Variants in PDE4D observed in about 807,000 individuals in gnomAD.
PDE4D encodes the protein phosphodiesterase 4D.
PDE4D carries 24 observed loss-of-function variants against 87.4 expected under a neutral mutation model. The observed-to-expected ratio is 0.27, with a 90% CI of 0.20 to 0.39. PDE4D has a LOEUF of 0.39. Ranked by LOEUF, PDE4D falls within the 10% of genes least tolerant of loss-of-function variation. The pLI is 1.00. For missense variants in PDE4D, 714 were observed against 1,041.0 expected (o/e 0.69, Z 4.32); for synonymous variants, 384 against 383.2 (o/e 1.00, Z -0.02).
At chr5:60,347,540 T>C (rs1561147497) in intron 1 of PDE4D, among the ~76,000 whole-genome samples, 1 of 152,088 alleles carries the variant, frequency 6.6e-6, no homozygotes, top group African/African-American at 2.4e-5. Context: ...CTCCCTGTTC[T>C]CTCACAGAAA....
rs183172114 is a variant in PDE4D, at chr5:60,471,958, G to A, written c.-90+15984C>T. On this transcript the variant is annotated intron_variant, in intron 1 of 16. Coordinates refer to the PDE4D transcript ENST00000502484. Reference sequence around the variant, plus strand: ...TTAGGTATCCCCATGTAGCGAGCCCGGGGATAGTCTGGTAGGTGGAACAGA... The same window carrying A: ...TTAGGTATCCCCATGTAGCGAGCCCAGGGATAGTCTGGTAGGTGGAACAGA... Among the ~76,000 whole-genome samples the A allele has an allele frequency of 1.1e-4, 16 of 152,122 alleles. No individual in the cohort carries two copies. In the East Asian group the frequency reaches 1.5e-3, roughly 15 times the overall value.
chr5:60,219,519 C>T (rs950998948), intron 1 of PDE4D, among the ~76,000 whole-genome samples: 1 of 152,128 alleles, frequency 6.6e-6, no homozygotes, highest in Non-Finnish European at 1.5e-5. Context: ...TGGGATACAC[C>T]TAAGTTACCT....
Position 59,092,222 on chromosome 5 carries a change from G to C in PDE4D, c.809-53251C>G, listed in dbSNP as rs1768877790. On this transcript the variant is annotated intron_variant, in intron 5 of 14. Transcript: ENST00000340635. ...CTTATGAATCTCTTTAACAAGCTTTGGCTGAATATTCTTTTCTTCCAGATG... is the reference window on the plus strand; with the variant it reads ...CTTATGAATCTCTTTAACAAGCTTTCGCTGAATATTCTTTTCTTCCAGATG... Among the ~76,000 whole-genome samples the C allele has an allele frequency of 3.3e-5, 5 of 152,242 alleles. 1 individual carries two copies. The South Asian group carries it at 1.0e-3, about 32-fold the overall frequency.
intron 3 of PDE4D, among the ~76,000 whole-genome samples, chr5:59,919,139 T>C (rs969930652): frequency 6.6e-6 from 1 of 152,166 alleles, no homozygotes; most frequent in East Asian, 1.9e-4. Context: ...AAAAGTATTG[T>C]TCTCGAATTG....
intron 1 of PDE4D, among the ~76,000 whole-genome samples, chr5:59,882,350 T>G (rs13168097): frequency 1.3e-5 from 2 of 152,074 alleles, no homozygotes; most frequent in Admixed American, 6.5e-5. Flanking sequence ...GTGGGAATGA[T>G]TGAGTGGTAG....
intron 1 of PDE4D, among the ~76,000 whole-genome samples, chr5:59,581,813 A>C (rs564232788): frequency 4.5e-4 from 69 of 152,308 alleles, no homozygotes; most frequent in Non-Finnish European, 9.0e-4. Context: ...TGATGGCAAC[A>C]AAAGACAGTA....
At chr5:60,392,898 G>A (rs1762643493) in intron 1 of PDE4D, among the ~76,000 whole-genome samples, 1 of 152,200 alleles carries the variant, frequency 6.6e-6, no homozygotes, top group South Asian at 2.1e-4. Context: ...ATACCACAGG[G>A]AAGATTGTAA....
intron 5 of PDE4D, among the ~76,000 whole-genome samples, chr5:59,087,091 A>T (rs925904418): frequency 6.6e-6 from 1 of 152,224 alleles, no homozygotes; most frequent in South Asian, 2.1e-4. Flanking sequence ...TCAGTTGATT[A>T]TGTATAGCTA....
At chr5:59,614,404 A>G (rs1445856880) in intron 1 of PDE4D, among the ~76,000 whole-genome samples, 1 of 152,224 alleles carries the variant, frequency 6.6e-6, no homozygotes, top group African/African-American at 2.4e-5. Flanking sequence ...AACTAAAACC[A>G]AAGTCAAAGA....
chr5:60,229,253 G>A, intron 1 of PDE4D, among the ~76,000 whole-genome samples: 1 of 152,026 alleles, frequency 6.6e-6, no homozygotes, highest in East Asian at 1.9e-4. Context: ...CAGAACTTTG[G>A]TCCTCTTTTA....
chr5:58,982,249 T>C (rs1271023119), intron 11 of PDE4D, among the ~76,000 whole-genome samples: 1 of 152,174 alleles, frequency 6.6e-6, no homozygotes, highest in Non-Finnish European at 1.5e-5. Context: ...TGGATGCTGA[T>C]TCAGAGCATA....
chr5:59,691,773 C>T (rs298083), intron 1 of PDE4D, among the ~76,000 whole-genome samples: 64,234 of 151,218 alleles, frequency 0.42, 14,263 homozygotes, highest in East Asian at 0.69. Flanking sequence ...ATGATCTAGC[C>T]ATGATGTGCA....
chr5:59,545,249 A>T (rs962551534), intron 1 of PDE4D, among the ~76,000 whole-genome samples: 3 of 152,178 alleles, frequency 2.0e-5, no homozygotes, highest in African/African-American at 7.2e-5. Context: ...GGAACCTGGT[A>T]GGCAGTCAGA....
At chr5:59,833,604 T>C (rs1212752628) in intron 1 of PDE4D, among the ~76,000 whole-genome samples, 1 of 152,016 alleles carries the variant, frequency 6.6e-6, no homozygotes, top group Non-Finnish European at 1.5e-5. Context: ...GGTAGCCGTG[T>C]TTCTCCTCCA....
At chr5:59,743,080 A>G (rs894089429) in intron 1 of PDE4D, among the ~76,000 whole-genome samples, 1 of 152,206 alleles carries the variant, frequency 6.6e-6, no homozygotes, top group South Asian at 2.1e-4. Flanking sequence ...ATCAAGTATT[A>G]TAAGTTAGTA....
chr5:59,103,183 G>A (rs2153434615), intron 5 of PDE4D, among the ~76,000 whole-genome samples: 1 of 152,282 alleles, frequency 6.6e-6, no homozygotes, highest in South Asian at 2.1e-4. Flanking sequence ...GTCAGTGACA[G>A]CACCTGATCT....
At chr5:59,962,685 G>T (rs768177375) in intron 3 of PDE4D, among the ~76,000 whole-genome samples, 17 of 152,080 alleles carry the variant, frequency 1.1e-4, no homozygotes, top group Non-Finnish European at 2.4e-4. Context: ...CAATTTCAGT[G>T]TCATTTAAAG....
chr5:59,256,466 G>A (rs1462741715), intron 1 of PDE4D, among the ~76,000 whole-genome samples: 7 of 152,058 alleles, frequency 4.6e-5, no homozygotes, highest in Non-Finnish European at 8.8e-5. Flanking sequence ...GCAAAAGGAT[G>A]AAGAGAATCT....
chr5:59,393,018 G>C (rs77290967), intron 1 of PDE4D, among the ~76,000 whole-genome samples: 6 of 152,046 alleles, frequency 3.9e-5, no homozygotes, highest in Non-Finnish European at 4.4e-5. Flanking sequence ...TTGAACCTGA[G>C]GATGGATTGG....
Sources: allele counts gnomAD v4.1 joint callset (sites outside exome capture counted in the v4.1 genomes callset), GRCh38; gene constraint gnomAD v4.1.1; transcripts MANE v1.5; gene names NCBI Gene and HGNC (gene_info 2026-07-23, HGNC 2026-07-21).